TRPM1: variants seen among roughly 807,000 people sequenced by gnomAD.
TRPM1 encodes the protein TRPM1-203 APA Isoform, Intron 10.
TRPM1 carries 113 observed loss-of-function variants against 149.4 expected under a neutral mutation model. The observed-to-expected ratio is 0.76, with a 90% CI of 0.65 to 0.88. The LOEUF (loss-of-function observed/expected upper bound fraction) is 0.88, where lower values mean the gene tolerates loss of function less well. TRPM1 is among the 40% of genes least tolerant of loss of function. TRPM1 has a pLI of 0.00. For synonymous variants in TRPM1, 741 were observed against 759.5 expected (o/e 0.98, Z 0.40); for missense variants, 1,976 against 2,038.7 (o/e 0.97, Z 0.59).
In TRPM1 at chr15:31,070,963, T is replaced by G. The variant is rs181546011; in HGVS notation, c.84-737A>C. ...TATGTCTTTTTCTGCCTTGGACAGA[T>G]GGCCCATTGGGCCATAACCCGCCCC... On this transcript the variant is annotated intron_variant, in intron 3 of 27. Transcript: ENST00000256552. 9.2e-5 allele frequency among the ~76,000 whole-genome samples: 14 copies of G among 152,368 alleles called. No homozygotes were observed. The East Asian group carries it at 1.7e-3, about 19-fold the overall frequency.
chr15:31,135,433 A>C (rs994804805), intron 1 of TRPM1, among the ~76,000 whole-genome samples: 1 of 152,144 alleles, frequency 6.6e-6, no homozygotes, highest in Non-Finnish European at 1.5e-5. Context: ...AAATAAATAA[A>C]ATTTTTAAAT....
At chr15:31,069,661 T>C in intron 4 of TRPM1, 1 of 1,373,112 alleles carries the variant, frequency 7.3e-7, no homozygotes, top group Non-Finnish European at 9.3e-7. Flanking sequence ...AGGAAAATAT[T>C]TCCAAAGACT....
At chr15:31,125,292 G>C (rs1035538302) in intron 1 of TRPM1, among the ~76,000 whole-genome samples, 16 of 152,202 alleles carry the variant, frequency 1.1e-4, no homozygotes, top group African/African-American at 3.6e-4. Flanking sequence ...TGGCGCATCA[G>C]TTAGAACAAA....
chr15:31,066,964 C>T (rs2034393411), intron 6 of TRPM1, 99 bp downstream of exon 6: 1 of 1,510,442 alleles, frequency 6.6e-7, no homozygotes, highest in Admixed American at 1.7e-5. Flanking sequence ...TGCAAGGGAG[C>T]TCTCTTATTA....
At chr15:31,081,997 T>C (rs1459117388) in intron 1 of TRPM1, among the ~76,000 whole-genome samples, 2 of 152,152 alleles carry the variant, frequency 1.3e-5, no homozygotes, top group African/African-American at 4.8e-5. Flanking sequence ...TGCCAGGCTC[T>C]GGGGCTGAAC....
rs556938938 is a variant in TRPM1, at chr15:31,031,051, A to T, written c.3059T>A (p.Leu1020Gln). 2 of 1,614,204 alleles carry T rather than the reference A, an allele frequency of 1.2e-6. No homozygotes were observed. Among genetic ancestry groups the T allele is most frequent in the Non-Finnish European group, 1.7e-6 (2 of 1,180,032 alleles). Reference protein sequence around the residue: ...LHPEEKPSWKLARNIFYMPYW... With the variant: ...LHPEEKPSWKQARNIFYMPYW... ...GGGCATGTAGAAGATGTTTCGGGCCAGTTTCCAAGAGGGCTTCTCCTCTGG... is the reference window on the plus strand; with the variant it reads ...GGGCATGTAGAAGATGTTTCGGGCCTGTTTCCAAGAGGGCTTCTCCTCTGG... Residue 1020 changes from leucine (L) to glutamine (Q), a missense_variant, in exon 23 of 28, where the codon CTG becomes CAG. Transcript: ENST00000256552.
intron 1 of TRPM1, among the ~76,000 whole-genome samples, chr15:31,151,747 C>T (rs775248261): frequency 4.6e-5 from 7 of 152,248 alleles, no homozygotes; most frequent in Non-Finnish European, 7.3e-5. Context: ...GTCTCCCTCA[C>T]CTCTGACCTC....
chr15:31,081,222 C>T (rs2034848603), intron 2 of TRPM1, 131 bp downstream of exon 2: 3 of 742,802 alleles, frequency 4.0e-6, no homozygotes, highest in Admixed American at 2.0e-5. Flanking sequence ...ATGGCCCGAG[C>T]CAGGCTCAAT....
chr15:31,156,227 T>C, intron 1 of TRPM1, among the ~76,000 whole-genome samples: 1 of 93,498 alleles, frequency 1.1e-5, no homozygotes, highest in African/African-American at 3.9e-5. Flanking sequence ...AAAAAGGAAA[T>C]CAAAATATTT....
chr15:31,030,741 T>A (rs1460591597), intron 23 of TRPM1, among the ~76,000 whole-genome samples: 2 of 152,242 alleles, frequency 1.3e-5, no homozygotes, highest in Admixed American at 1.3e-4. Flanking sequence ...TGTGACACGA[T>A]GTCCATCAGG....
At chr15:31,029,012 G>T (rs1332923098) in intron 24 of TRPM1, among the ~76,000 whole-genome samples, 1 of 152,038 alleles carries the variant, frequency 6.6e-6, no homozygotes, top group Non-Finnish European at 1.5e-5. Flanking sequence ...TGGTTTCACT[G>T]ATACATTAAA....
chr15:31,024,005 G>A (rs1168685513), intron 27 of TRPM1, among the ~76,000 whole-genome samples: 3 of 152,168 alleles, frequency 2.0e-5, no homozygotes, highest in Admixed American at 6.5e-5. Context: ...GGAGGAGAAT[G>A]ATTAATGGGT....
intron 25 of TRPM1, 78 bp from the exon 26 acceptor site, chr15:31,027,195 A>G: frequency 7.3e-7 from 1 of 1,373,904 alleles, no homozygotes; most frequent in Non-Finnish European, 1.0e-6. Flanking sequence ...AGTTACTCAC[A>G]TTTAAGTGAA....
chr15:31,125,962 C>G (rs2035946098), intron 1 of TRPM1, among the ~76,000 whole-genome samples: 1 of 151,448 alleles, frequency 6.6e-6, no homozygotes, highest in South Asian at 2.1e-4. Flanking sequence ...GAAACCCTAT[C>G]TCTACTAAAA....
chr15:31,071,159 T>A (rs1267792713), intron 3 of TRPM1, among the ~76,000 whole-genome samples: 1 of 152,220 alleles, frequency 6.6e-6, no homozygotes, highest in Non-Finnish European at 1.5e-5. Flanking sequence ...CATTTTTGGC[T>A]GCCACTGTTT....
intron 1 of TRPM1, among the ~76,000 whole-genome samples, chr15:31,113,442 TTTC>T (rs1270818447): frequency 2.1e-5 from 3 of 142,172 alleles, no homozygotes; most frequent in Non-Finnish European, 4.7e-5. Context: ...GTTTTTTTTT[TTTC>T]AAAATCTCTA....
intron 11 of TRPM1, among the ~76,000 whole-genome samples, chr15:31,052,747 C>T (rs1300146259): frequency 6.6e-6 from 1 of 152,140 alleles, no homozygotes; most frequent in Non-Finnish European, 1.5e-5. Context: ...TGCACTCCAG[C>T]CTGGGTGACA....
At chr15:31,136,438 T>TC (rs1200424658) in intron 1 of TRPM1, among the ~76,000 whole-genome samples, 1 of 152,212 alleles carries the variant, frequency 6.6e-6, no homozygotes, top group African/African-American at 2.4e-5. Context: ...AGCATCTCTT[T>TC]CAAGCACATG....
intron 20 of TRPM1, chr15:31,036,071 A>AT: frequency 3.0e-6 from 1 of 332,662 alleles, no homozygotes; most frequent in South Asian, 2.5e-5. Context: ...TTCCTTCCTG[A>AT]TTCTTTCCAC....
Sources: gnomAD v4.1 joint callset for allele counts (sites outside exome capture counted in the v4.1 genomes callset) on GRCh38, gnomAD v4.1.1 for gene constraint, MANE v1.5 for transcripts, NCBI Gene and HGNC (gene_info 2026-07-23, HGNC 2026-07-21) for gene names.